GLB1: variants seen among roughly 807,000 people sequenced by gnomAD.
GLB1 encodes the protein galactosidase beta 1.
A neutral mutation model predicts 74.0 loss-of-function variants in GLB1; 56 were observed. The ratio of observed to expected loss-of-function variants is 0.76; its 90% CI spans 0.61 to 0.94. The LOEUF (loss-of-function observed/expected upper bound fraction) is 0.94, where lower values mean the gene tolerates loss of function less well. GLB1 is among the 40% of genes least tolerant of loss of function. The probability of loss-of-function intolerance (pLI) is 0.00; values close to 1 mark genes in which losing one functional copy is unlikely to be tolerated. For synonymous variants in GLB1, 323 were observed against 323.6 expected, an observed-to-expected ratio of 1.00 and a Z score of 0.02; for missense variants, 787 against 845.5, an observed-to-expected ratio of 0.93 and a Z score of 0.86.
chr3:32,991,912 T>C (rs1417814743), downstream of GLB1, among the ~76,000 whole-genome samples: 1 of 152,256 alleles, frequency 6.6e-6, no homozygotes, highest in African/African-American at 2.4e-5. Context: ...AATAGTTGCT[T>C]CATGCCACTT....
At chr3:33,068,402 G>T in intron 3 of GLB1, 112 bp from the exon 4 acceptor site, 1 of 1,421,788 alleles carries the variant, frequency 7.0e-7, no homozygotes, top group East Asian at 2.4e-5. Flanking sequence ...AAGGGACAAG[G>T]GGTATTTGAG....
At chr3:33,037,763 T>C (rs1229144755) in intron 10 of GLB1, among the ~76,000 whole-genome samples, 2 of 152,234 alleles carry the variant, frequency 1.3e-5, no homozygotes, top group Admixed American at 6.5e-5. Context: ...GCTTTGAGCA[T>C]AAGTGGGCAC....
chr3:32,968,768 T>TCTAA, the GLB1 span, among the ~76,000 whole-genome samples: 1 of 152,144 alleles, frequency 6.6e-6, no homozygotes, highest in Non-Finnish European at 1.5e-5. Flanking sequence ...GACCGCCAGA[T>TCTAA]CTAACTAACT....
At chr3:32,992,705 G>C (rs1696245859), downstream of GLB1, among the ~76,000 whole-genome samples, 1 of 152,180 alleles carries the variant, frequency 6.6e-6, no homozygotes, top group Admixed American at 6.5e-5. Context: ...CTGCTGGTTT[G>C]GGAGTTTGGA....
rs1423200446 is a variant in GLB1 at position 33,053,532 on chromosome 3, C to T, written c.751G>A (p.Ala251Thr). The change falls in exon 7 of 16, where the codon GCT (alanine) becomes ACT (threonine). Residue 251 changes from alanine (A) to threonine (T), a missense_variant. Physicochemically the swap from Ala to Thr is moderately conservative, Grantham distance 58. Transcript: ENST00000307363. ...TCACACTTCCTCTGGCTTAGGAAAGCATCTGTGATGTTGCTGCCTGAAAAT... is the reference window on the plus strand; with the variant it reads ...TCACACTTCCTCTGGCTTAGGAAAGTATCTGTGATGTTGCTGCCTGAAAAT... The part of the protein sequence containing the change: ...DFGTGSNITD[A>T]FLSQRKCEPK... 1.2e-6 allele frequency: 2 copies of T among 1,614,202 alleles called. No homozygotes were observed. The highest frequency in any genetic ancestry group is 2.7e-5 in the African/African-American group (2 of 75,054).
At chr3:33,094,372 G>A in intron 1 of GLB1, 1 of 1,371,502 alleles carries the variant, frequency 7.3e-7, no homozygotes, top group Non-Finnish European at 9.4e-7. Context: ...AAAACTCAAA[G>A]GCCACTTACA....
At chr3:33,016,640 C>T (rs1697245804) in intron 14 of GLB1, 69 bp downstream of exon 14, 1 of 1,604,284 alleles carries the variant, frequency 6.2e-7, no homozygotes, top group Non-Finnish European at 8.5e-7. Context: ...GTGTGAGCCA[C>T]TGTACTGGGC....
At chr3:33,031,110 G>A (rs556563632) in intron 10 of GLB1, among the ~76,000 whole-genome samples, 1 of 152,318 alleles carries the variant, frequency 6.6e-6, no homozygotes, top group South Asian at 2.1e-4. Context: ...GCAGCCTGCT[G>A]GGAGATTATC....
At chr3:33,080,322 C>T (rs1488591355) in intron 1 of GLB1, among the ~76,000 whole-genome samples, 3 of 152,020 alleles carry the variant, frequency 2.0e-5, no homozygotes, top group African/African-American at 7.3e-5. Context: ...TCAGGTAATC[C>T]GCCGCCTCGG....
chr3:32,985,961 A>C, the GLB1 span, among the ~76,000 whole-genome samples: 4,436 of 152,096 alleles, frequency 0.029, 210 homozygotes, highest in African/African-American at 0.098. Context: ...ATCCAGCTGC[A>C]TTTTCCTCCC....
chr3:33,036,258 G>A (rs1314792277), intron 10 of GLB1, among the ~76,000 whole-genome samples: 1 of 152,142 alleles, frequency 6.6e-6, no homozygotes, highest in Non-Finnish European at 1.5e-5. Context: ...CCCAGCCATC[G>A]ATCAGAAGAG....
At position 33,033,736 on chromosome 3, in the gene GLB1, G is replaced by A. The variant is rs547614283; in HGVS notation, c.1069-9411C>T. The A allele has an allele frequency of 1.0e-4, 27 of 257,778 alleles. No individual in the cohort carries two copies. The East Asian group carries it at 2.4e-3, about 23-fold the overall frequency. The allele number at this position is 257,778 out of a possible 1,614,324, so 16.0% of individuals were successfully genotyped here. On this transcript the variant is annotated intron_variant, in intron 10 of 15. Coordinates refer to ENST00000307363, the MANE Select transcript of GLB1 (RefSeq NM_000404.4). ...GCAGAGGTTGCAGTGAGCCAATATC[G>A]TGCCACTGCACTCCAGCCTGGGTGA...
intron 1 of GLB1, 55 bp from the exon 2 acceptor site, chr3:33,072,768 C>T (rs1699932900): frequency 6.2e-7 from 1 of 1,609,960 alleles, no homozygotes; most frequent in Non-Finnish European, 8.5e-7. Flanking sequence ...ATTTCAGAAG[C>T]CGATCCTTTG....
intron 1 of GLB1, among the ~76,000 whole-genome samples, chr3:33,086,172 AC>A (rs1295361294): frequency 1.3e-5 from 2 of 152,170 alleles, no homozygotes; most frequent in Admixed American, 1.3e-4. Flanking sequence ...GAACTAAAAA[AC>A]ATCAGATATA....
chr3:32,986,858 T>G, the GLB1 span, among the ~76,000 whole-genome samples: 6 of 152,202 alleles, frequency 3.9e-5, no homozygotes, highest in African/African-American at 1.4e-4. Context: ...CCCAAACTGC[T>G]GGGATTACAG....
intron 10 of GLB1, among the ~76,000 whole-genome samples, chr3:33,028,983 T>G (rs1384137632): frequency 6.6e-6 from 1 of 152,198 alleles, no homozygotes; most frequent in Non-Finnish European, 1.5e-5. Flanking sequence ...CAATTTTCTA[T>G]GTAGATCTTG....
the GLB1 span, among the ~76,000 whole-genome samples, chr3:32,989,298 G>A: frequency 1.3e-5 from 2 of 152,150 alleles, no homozygotes; most frequent in African/African-American, 2.4e-5. Flanking sequence ...AAAACCGAGA[G>A]TCATCATTTG....
intron 10 of GLB1, among the ~76,000 whole-genome samples, chr3:33,036,063 T>C (rs979999143): frequency 2.6e-5 from 4 of 152,210 alleles, no homozygotes; most frequent in Non-Finnish European, 1.5e-5. Flanking sequence ...CTAGAGATCA[T>C]GAAAGATCCA....
chr3:33,068,316 T>C (rs1198190217), intron 3 of GLB1, 26 bp from the exon 4 acceptor site: 2 of 1,613,952 alleles, frequency 1.2e-6, no homozygotes, highest in Non-Finnish European at 1.7e-6. Context: ...CAAGCCATTA[T>C]AATGTCTGTT....
Sources: gnomAD v4.1 joint callset for allele counts (sites outside exome capture counted in the v4.1 genomes callset) on GRCh38, gnomAD v4.1.1 for gene constraint, MANE v1.5 for transcripts, NCBI Gene and HGNC (gene_info 2026-07-23, HGNC 2026-07-21) for gene names.